Variants in FOXO1 observed in about 807,000 individuals in gnomAD.
FOXO1 encodes the protein forkhead box protein O1.
Under a neutral mutation model 44.1 loss-of-function variants are expected in FOXO1, and 6 were observed. The ratio of observed to expected loss-of-function variants is 0.14; its 90% CI spans 0.07 to 0.27. FOXO1 has a LOEUF of 0.27. Ranked by LOEUF, FOXO1 falls within the 10% of genes least tolerant of loss-of-function variation. The pLI is 1.00. For missense variants in FOXO1, 737 were observed against 888.8 expected (o/e 0.83, Z 2.17); for synonymous variants, 380 against 362.7 (o/e 1.05, Z -0.54).
At chr13:40,611,391 G>C (rs1876224655) in intron 1 of FOXO1, among the ~76,000 whole-genome samples, 1 of 152,218 alleles carries the variant, frequency 6.6e-6, no homozygotes, top group African/African-American at 2.4e-5. Flanking sequence ...GGTACACACA[G>C]TGTGTATTTC....
intron 1 of FOXO1, chr13:40,619,830 G>A (rs1286595019): frequency 1.7e-5 from 13 of 764,490 alleles, no homozygotes; most frequent in South Asian, 2.7e-5. Context: ...CAAACCAGTC[G>A]GGTGGCAGCT....
intron 1 of FOXO1, among the ~76,000 whole-genome samples, chr13:40,660,813 G>A (rs1014048968): frequency 3.3e-5 from 5 of 152,084 alleles, no homozygotes; most frequent in African/African-American, 4.8e-5. Context: ...GCAGTGGCTC[G>A]TGCCGATAAT....
At chr13:40,565,575 T>C (rs2721068) in intron 1 of FOXO1, among the ~76,000 whole-genome samples, 57,782 of 152,036 alleles carry the variant, frequency 0.38, 12,690 homozygotes, top group East Asian at 0.73. Flanking sequence ...CCCACTACAC[T>C]GTGAGCTGCT....
At chr13:40,612,135 T>G (rs1475654746) in intron 1 of FOXO1, among the ~76,000 whole-genome samples, 4 of 152,174 alleles carry the variant, frequency 2.6e-5, no homozygotes, top group Non-Finnish European at 2.9e-5. Flanking sequence ...GGTTTTGCCC[T>G]GCCTTTTTAC....
At chr13:40,607,067 C>T (rs73465277) in intron 1 of FOXO1, among the ~76,000 whole-genome samples, 1 of 152,194 alleles carries the variant, frequency 6.6e-6, no homozygotes, top group Non-Finnish European at 1.5e-5. Flanking sequence ...TAAGCCCGCA[C>T]ATCTGCCCAA....
chr13:40,599,993 G>T (rs74044540), intron 1 of FOXO1, among the ~76,000 whole-genome samples: 44 of 152,296 alleles, frequency 2.9e-4, no homozygotes, highest in African/African-American at 1.1e-3. Context: ...AGCCAACCAG[G>T]GGAAGAGAAA....
At chr13:40,590,024 G>T (rs1566068968) in intron 1 of FOXO1, among the ~76,000 whole-genome samples, 6 of 152,198 alleles carry the variant, frequency 3.9e-5, no homozygotes. Context: ...ATAAAAGTCT[G>T]CAAGTTTGTA....
chr13:40,569,612 T>C (rs1874403803), intron 1 of FOXO1, among the ~76,000 whole-genome samples: 1 of 152,130 alleles, frequency 6.6e-6, no homozygotes. Context: ...TACAGAAAAA[T>C]TGTGTTTTCT....
At chr13:40,626,346 AT>A (rs2137908238) in intron 1 of FOXO1, among the ~76,000 whole-genome samples, 2 of 152,320 alleles carry the variant, frequency 1.3e-5, no homozygotes, top group South Asian at 4.1e-4. Context: ...GGCAGTTGTG[AT>A]GTTTTAAAAT....
At chr13:40,650,213 G>C (rs1434203735) in intron 1 of FOXO1, among the ~76,000 whole-genome samples, 2 of 152,148 alleles carry the variant, frequency 1.3e-5, no homozygotes, top group African/African-American at 4.8e-5. Context: ...GGGGCTTGTG[G>C]GAGTGTGGCA....
At chr13:40,624,391 T>C (rs1876719425) in intron 1 of FOXO1, among the ~76,000 whole-genome samples, 1 of 151,218 alleles carries the variant, frequency 6.6e-6, no homozygotes, top group African/African-American at 2.4e-5. Flanking sequence ...CTACAGGAGT[T>C]TCATGAAAAC....
chr13:40,560,177 A>C lies in FOXO1; in HGVS notation c.1314T>G (p.Pro438=). ...QSSMSPLPQM[P]IQTLQDNKSS... ...ACTTATTGTCCTGAAGTGTTTGTAT[A>C]GGCATCTGGGGCAAAGGGCTCATGC... The change falls in exon 2 of 3, where the codon CCT becomes CCG. Residue 438 remains proline, a synonymous_variant. Transcript: ENST00000379561. The surrounding 1 kb of genome is among the most constrained non-coding windows in gnomAD (Gnocchi z 5.1). The C allele has an allele frequency of 6.2e-7, 1 of 1,614,140 alleles. No homozygotes were observed. The highest frequency in any genetic ancestry group is 8.5e-7 in the Non-Finnish European group (1 of 1,180,018).
intron 1 of FOXO1, among the ~76,000 whole-genome samples, chr13:40,621,569 C>T (rs1359717106): frequency 1.3e-5 from 2 of 152,122 alleles, no homozygotes. Flanking sequence ...AAATAATTAA[C>T]ATTGCTAGAA....
chr13:40,630,128 T>TA (rs2137911831), intron 1 of FOXO1, among the ~76,000 whole-genome samples: 1 of 152,284 alleles, frequency 6.6e-6, no homozygotes, highest in East Asian at 1.9e-4. Flanking sequence ...TATAAGTAGC[T>TA]AAACCAGGAA....
At chr13:40,576,584 TA>T (rs1365415160) in intron 1 of FOXO1, among the ~76,000 whole-genome samples, 2 of 152,212 alleles carry the variant, frequency 1.3e-5, no homozygotes, top group Non-Finnish European at 1.5e-5. Flanking sequence ...CTGCTGCAGC[TA>T]GTGCTGAGAG....
chr13:40,627,604 GGGCA>G (rs1278712104), intron 1 of FOXO1, among the ~76,000 whole-genome samples: 1 of 152,088 alleles, frequency 6.6e-6, no homozygotes, highest in African/African-American at 2.4e-5. Context: ...AAGCCAAGGT[GGGCA>G]GGTCATCTGA....
At chr13:40,620,049 T>A in intron 1 of FOXO1, 1 of 883,186 alleles carries the variant, frequency 1.1e-6, no homozygotes, top group Non-Finnish European at 1.8e-6. Context: ...AGCAAACCAC[T>A]AGAAGATCTG....
intron 1 of FOXO1, among the ~76,000 whole-genome samples, chr13:40,584,810 C>A (rs912302246): frequency 6.6e-6 from 1 of 152,118 alleles, no homozygotes; most frequent in African/African-American, 2.4e-5. Context: ...TCTAATGGTC[C>A]GACTCTTCTA....
At chr13:40,660,143 G>A (rs150173688) in intron 1 of FOXO1, among the ~76,000 whole-genome samples, 1 of 152,314 alleles carries the variant, frequency 6.6e-6, no homozygotes, top group African/African-American at 2.4e-5. Flanking sequence ...AAGAAAAGGT[G>A]CTTGGTTATA....
Sources: allele counts gnomAD v4.1 joint callset (sites outside exome capture counted in the v4.1 genomes callset), GRCh38; gene constraint gnomAD v4.1.1; non-coding constraint Gnocchi (gnomAD v3.1); transcripts MANE v1.5; gene names NCBI Gene and HGNC (gene_info 2026-07-23, HGNC 2026-07-21).